Variants in AKAP10 observed in about 807,000 individuals in gnomAD.
The protein encoded by AKAP10 is A-kinase anchoring protein 10.
AKAP10 carries 24 observed loss-of-function variants against 80.8 expected under a neutral mutation model. The ratio of observed to expected loss-of-function variants is 0.30; its 90% CI spans 0.22 to 0.42. The LOEUF is 0.42. Among genes scored for constraint, AKAP10 ranks in the 10% least tolerant of loss-of-function variants. The probability of loss-of-function intolerance (pLI) is 1.00; values close to 1 mark genes in which losing one functional copy is unlikely to be tolerated. For synonymous variants in AKAP10, 291 were observed against 277.7 expected (o/e 1.05, Z -0.48); for missense variants, 661 against 794.9 (o/e 0.83, Z 2.03).
chr17:19,928,118 G>A (rs955226393), intron 10 of AKAP10, among the ~76,000 whole-genome samples: 3 of 152,002 alleles, frequency 2.0e-5, no homozygotes, highest in East Asian at 1.9e-4. Flanking sequence ...CCAGCTACTC[G>A]GGAGGCTGAG....
At chr17:19,923,799 T>TA (rs1332969267) in intron 11 of AKAP10, among the ~76,000 whole-genome samples, 2 of 152,190 alleles carry the variant, frequency 1.3e-5, no homozygotes, top group Non-Finnish European at 2.9e-5. Context: ...GTGCTGGGAT[T>TA]ACAGGTGTGA....
chr17:19,943,416 A>G (rs2043070302), intron 5 of AKAP10, among the ~76,000 whole-genome samples: 1 of 152,194 alleles, frequency 6.6e-6, no homozygotes, highest in African/African-American at 2.4e-5. Context: ...CCAATGATCA[A>G]TCATGCCTAT....
chr17:19,918,654 T>A (rs1428583645), intron 12 of AKAP10, among the ~76,000 whole-genome samples: 1 of 152,176 alleles, frequency 6.6e-6, no homozygotes, highest in East Asian at 1.9e-4. Context: ...TTATCAAAAT[T>A]GAATTTTTCT....
chr17:19,926,933 G>A (rs1267613786), intron 10 of AKAP10, among the ~76,000 whole-genome samples: 1 of 151,978 alleles, frequency 6.6e-6, no homozygotes, highest in Admixed American at 6.6e-5. Context: ...CCAGCCGGGT[G>A]AACATGGTGA....
chr17:19,924,940 G>A (rs953201607), intron 10 of AKAP10, among the ~76,000 whole-genome samples: 5 of 152,046 alleles, frequency 3.3e-5, no homozygotes, highest in South Asian at 2.1e-4. Context: ...GAGGCAGGCC[G>A]ATCACTTGAG....
intron 5 of AKAP10, among the ~76,000 whole-genome samples, chr17:19,946,122 C>A (rs1168037809): frequency 7.6e-6 from 1 of 132,030 alleles, no homozygotes; most frequent in Non-Finnish European, 1.6e-5. Context: ...TATATATACA[C>A]ACACTAATAT....
In AKAP10 at chr17:19,946,133, G is replaced by A. The variant is rs542494201; in HGVS notation, c.976+1274C>T. Among the ~76,000 whole-genome samples the A allele has an allele frequency of 2.4e-3, 290 of 120,748 alleles. 12 individuals carry two copies. The East Asian group carries it at 0.065, about 27-fold the overall frequency. 79.2% of individuals were successfully genotyped at this position (120,748 alleles called of 152,430 possible). A position where few individuals can be genotyped will look rare whatever the true frequency, so the allele number is the denominator to read the frequency against. ...TATATATATATACACACACTAATAT[G>A]TATATTATATATTAGTATATATACT... On this transcript the variant is annotated intron_variant, in intron 5 of 14. Transcript: ENST00000225737.
chr17:19,946,272 TATA>T lies in AKAP10; in HGVS notation c.976+1132_976+1134del, dbSNP rs1200604654. ...ATATATATATATATATATATATATA[TATA>T]TTTTTTTTTTTTTTTTTTTTTTTTG... On this transcript the variant is annotated intron_variant, in intron 5 of 14. Transcript: ENST00000225737. 1.3e-3 allele frequency among the ~76,000 whole-genome samples: 38 copies of T among 30,368 alleles called. 2 individuals are homozygous for T. Among genetic ancestry groups the T allele is most frequent in the African/African-American group, 3.1e-3 (23 of 7,504 alleles). 19.9% of individuals were successfully genotyped at this position (30,368 alleles called of 152,430 possible).
chr17:19,975,032 CT>C (rs1319678003), intron 1 of AKAP10, among the ~76,000 whole-genome samples: 2 of 151,988 alleles, frequency 1.3e-5, no homozygotes, highest in Admixed American at 1.3e-4. Flanking sequence ...AATATTCTTT[CT>C]GTATTTTGTT....
At chr17:19,947,901 T>G (rs1206599075) in intron 4 of AKAP10, among the ~76,000 whole-genome samples, 1 of 151,818 alleles carries the variant, frequency 6.6e-6, no homozygotes, top group Non-Finnish European at 1.5e-5. Flanking sequence ...TGGTGAAGCT[T>G]GTGTGGATGA....
intron 10 of AKAP10, among the ~76,000 whole-genome samples, chr17:19,924,999 AC>A (rs2042861459): frequency 1.3e-5 from 2 of 152,064 alleles, no homozygotes; most frequent in Non-Finnish European, 1.5e-5. Flanking sequence ...CCCAGTTTCT[AC>A]TAAAAATAAA....
intron 3 of AKAP10, among the ~76,000 whole-genome samples, chr17:19,961,015 T>TACAA (rs2043342029): frequency 6.8e-6 from 1 of 146,952 alleles, no homozygotes; most frequent in South Asian, 2.1e-4. Context: ...AGACTCCGTC[T>TACAA]ACAAATAAAT....
chr17:19,931,836 T>C lies in AKAP10; in HGVS notation c.1610A>G (p.His537Arg), dbSNP rs750807016. The C allele has an allele frequency of 2.0e-5, 33 of 1,613,918 alleles. No homozygotes were observed. The African/African-American group carries it at 4.4e-4, about 22-fold the overall frequency. The part of the protein sequence containing the change: ...PGSVGPPDES[H>R]PGSSDSSASQ... Reference sequence around the variant, plus strand: ...CGCAGAGCTGTCAGAACTCCCTGGGTGAGACTCATCAGGAGGGCCAACAGA... The same window carrying C: ...CGCAGAGCTGTCAGAACTCCCTGGGCGAGACTCATCAGGAGGGCCAACAGA... The change falls in exon 10 of 15, where the codon CAC (histidine) becomes CGC (arginine). Residue 537 changes from histidine (H) to arginine (R), a missense_variant. Coordinates refer to ENST00000225737, the MANE Select transcript of AKAP10 (RefSeq NM_007202.4).
chr17:19,952,330 T>A (rs1314980789), intron 4 of AKAP10, among the ~76,000 whole-genome samples: 1 of 151,594 alleles, frequency 6.6e-6, no homozygotes, highest in Non-Finnish European at 1.5e-5. Context: ...CCAGGCATGG[T>A]GCGCGTGCCT....
chr17:19,920,722 A>G (rs2042800707), intron 11 of AKAP10, among the ~76,000 whole-genome samples: 1 of 151,964 alleles, frequency 6.6e-6, no homozygotes, highest in African/African-American at 2.4e-5. Context: ...GGATGCCTGT[A>G]ATCCCAGCTA....
At chr17:19,955,315 T>TGG (rs2043263056) in intron 4 of AKAP10, among the ~76,000 whole-genome samples, 1 of 152,172 alleles carries the variant, frequency 6.6e-6, no homozygotes, top group African/African-American at 2.4e-5. Flanking sequence ...AGGTGGGGCT[T>TGG]GACTTCAAAG....
Position 19,946,719 on chromosome 17 carries a change from G to A in AKAP10, c.976+688C>T, listed in dbSNP as rs144476820. ...TCTTTATTCAGAAGAATAAAGTTAC[G>A]TGAAACTGGGACTGGACATGAGGCT... On this transcript the variant is annotated intron_variant, in intron 5 of 14. Transcript: ENST00000225737. 6.9e-3 allele frequency among the ~76,000 whole-genome samples: 967 copies of A among 140,918 alleles called. 11 individuals carry two copies. Among genetic ancestry groups the A allele is most frequent in the African/African-American group, 0.024 (915 of 37,582 alleles). 92.4% of individuals were successfully genotyped at this position (140,918 alleles called of 152,430 possible). A position where few individuals can be genotyped will look rare whatever the true frequency, so the allele number is the denominator to read the frequency against.
intron 5 of AKAP10, among the ~76,000 whole-genome samples, chr17:19,944,246 C>T (rs1015794441): frequency 6.6e-6 from 1 of 152,182 alleles, no homozygotes; most frequent in African/African-American, 2.4e-5. Flanking sequence ...CTTCTGCCTC[C>T]AGACTTCTTT....
At chr17:19,977,179 T>G (rs2043579854) in intron 1 of AKAP10, among the ~76,000 whole-genome samples, 1 of 152,126 alleles carries the variant, frequency 6.6e-6, no homozygotes, top group Non-Finnish European at 1.5e-5. Flanking sequence ...AGAAAACAAT[T>G]TTTTCACGTG....
Sources: allele counts gnomAD v4.1 joint callset (sites outside exome capture counted in the v4.1 genomes callset), GRCh38; gene constraint gnomAD v4.1.1; transcripts MANE v1.5; gene names NCBI Gene and HGNC (gene_info 2026-07-23, HGNC 2026-07-21).